POU2F2: variants seen among roughly 807,000 people sequenced by gnomAD.
POU2F2 encodes POU class 2 homeobox 2.
Under a neutral mutation model 63.5 loss-of-function variants are expected in POU2F2, and 14 were observed. That is an observed-to-expected ratio of 0.22 (90% CI 0.15 to 0.34). The LOEUF (loss-of-function observed/expected upper bound fraction) is 0.34. POU2F2 is among the 10% of genes least tolerant of loss of function. The pLI is 1.00. For synonymous variants in POU2F2, 306 were observed against 348.6 expected, an observed-to-expected ratio of 0.88 and a Z score of 1.36; for missense variants, 607 against 815.2, an observed-to-expected ratio of 0.74 and a Z score of 3.11.
intron 1 of POU2F2, among the ~76,000 whole-genome samples, chr19:42,184,611 C>T (rs2034995035): frequency 6.6e-6 from 1 of 152,208 alleles, no homozygotes; most frequent in African/African-American, 2.4e-5. Context: ...ACTCCCACTA[C>T]TGCCCCCCAA....
At chr19:42,151,082 G>T (rs572118078) in intron 2 of POU2F2, among the ~76,000 whole-genome samples, 1 of 152,186 alleles carries the variant, frequency 6.6e-6, no homozygotes, top group Non-Finnish European at 1.5e-5. Context: ...GCTCACTCCC[G>T]GAGCCATTTG....
At chr19:42,126,091 C>T (rs550694860) in intron 1 of POU2F2, among the ~76,000 whole-genome samples, 2 of 152,122 alleles carry the variant, frequency 1.3e-5, no homozygotes, top group Non-Finnish European at 2.9e-5. Context: ...TCTTTAAAGA[C>T]GTAATTAAGG....
chr19:42,129,031 C>T (rs1296503282), intron 1 of POU2F2, among the ~76,000 whole-genome samples: 1 of 152,034 alleles, frequency 6.6e-6, no homozygotes, highest in Non-Finnish European at 1.5e-5. Flanking sequence ...CGGGGTTTCA[C>T]CATGTTGGGC....
At chr19:42,149,005 T>C (rs1341054032) in intron 2 of POU2F2, among the ~76,000 whole-genome samples, 2 of 151,478 alleles carry the variant, frequency 1.3e-5, no homozygotes. Flanking sequence ...CAGCTTCACC[T>C]TCCCAAGCCA....
intron 2 of POU2F2, among the ~76,000 whole-genome samples, chr19:42,141,105 C>T (rs1478788514): frequency 6.6e-6 from 1 of 152,176 alleles, no homozygotes; most frequent in Non-Finnish European, 1.5e-5. Flanking sequence ...GTAGTATCCC[C>T]GGGCTTTAGC....
chr19:42,186,836 G>C (rs1475847889), intron 1 of POU2F2, among the ~76,000 whole-genome samples: 1 of 152,164 alleles, frequency 6.6e-6, no homozygotes, highest in Non-Finnish European at 1.5e-5. Flanking sequence ...TCACTTGGAT[G>C]CCCGGATGGA....
At chr19:42,174,123 C>T (rs750245270) in intron 1 of POU2F2, among the ~76,000 whole-genome samples, 32 of 152,150 alleles carry the variant, frequency 2.1e-4, no homozygotes, top group Non-Finnish European at 4.1e-4. Flanking sequence ...CATACGCCCG[C>T]GACCTCTGTG....
At chr19:42,114,050 A>G (rs1184247853) in intron 5 of POU2F2, among the ~76,000 whole-genome samples, 4 of 152,136 alleles carry the variant, frequency 2.6e-5, no homozygotes, top group Non-Finnish European at 5.9e-5. Context: ...GAAAGATCAG[A>G]GCTGAGGGAA....
rs1440615931 is a variant in POU2F2, at chr19:42,096,415, A to C, written c.568-172T>G. On this transcript the variant is annotated intron_variant, in intron 7 of 14. Coordinates refer to ENST00000692977, the MANE Select transcript of POU2F2 (RefSeq NM_001394376.1). The surrounding 1 kb of genome is among the most constrained non-coding windows in gnomAD (Gnocchi z 4.1). ...TCAATCCCTTTAAAGGTCCCTCCACATGCACTGTTAATCCCTTTAAAGGTC... is the reference window on the plus strand; with the variant it reads ...TCAATCCCTTTAAAGGTCCCTCCACCTGCACTGTTAATCCCTTTAAAGGTC... Among the ~76,000 whole-genome samples, 1 of 152,074 alleles carries C rather than the reference A, an allele frequency of 6.6e-6. No individual in the cohort carries two copies. Among genetic ancestry groups the C allele is most frequent in the Non-Finnish European group, 1.5e-5 (1 of 68,006 alleles).
chr19:42,144,106 G>A (rs374070060), intron 2 of POU2F2, among the ~76,000 whole-genome samples: 4 of 152,260 alleles, frequency 2.6e-5, no homozygotes, highest in South Asian at 2.1e-4. Context: ...GGTTCACAGC[G>A]TACTCCCATC....
chr19:42,119,459 G>C (rs1449875444), intron 4 of POU2F2, among the ~76,000 whole-genome samples: 1 of 152,196 alleles, frequency 6.6e-6, no homozygotes. Flanking sequence ...GATCACTTGA[G>C]GTCTGGAGTT....
At chr19:42,144,642 A>T (rs2034194718) in intron 2 of POU2F2, among the ~76,000 whole-genome samples, 1 of 152,268 alleles carries the variant, frequency 6.6e-6, no homozygotes, top group African/African-American at 2.4e-5. Flanking sequence ...CTAAGTAACA[A>T]GAGCAGCTAC....
intron 2 of POU2F2, among the ~76,000 whole-genome samples, chr19:42,145,387 G>A (rs1599661653): frequency 6.6e-6 from 1 of 152,262 alleles, no homozygotes; most frequent in Admixed American, 6.5e-5. Context: ...AGAACTGTGC[G>A]GACCCTGAGC....
At chr19:42,194,866 AAG>A (rs1464459094) in intron 1 of POU2F2, among the ~76,000 whole-genome samples, 12 of 130,452 alleles carry the variant, frequency 9.2e-5, no homozygotes, top group African/African-American at 3.6e-4. Context: ...GGAAGGTGGA[AAG>A]AAGGAAAAAA....
intron 5 of POU2F2, among the ~76,000 whole-genome samples, chr19:42,105,409 T>G (rs1055910358): frequency 6.6e-6 from 1 of 152,210 alleles, no homozygotes; most frequent in Non-Finnish European, 1.5e-5. Flanking sequence ...TTGAATCTAA[T>G]GAATAAGACT....
intron 1 of POU2F2, among the ~76,000 whole-genome samples, chr19:42,129,946 C>G (rs1184738314): frequency 6.6e-6 from 1 of 152,216 alleles, no homozygotes; most frequent in African/African-American, 2.4e-5. Flanking sequence ...ATACAAGAAA[C>G]AGATGTGCAC....
chr19:42,130,570 G>C (rs1056714277), intron 1 of POU2F2, among the ~76,000 whole-genome samples: 1 of 152,026 alleles, frequency 6.6e-6, no homozygotes. Context: ...TAACCCCAGA[G>C]AGGAACGAGT....
intron 5 of POU2F2, among the ~76,000 whole-genome samples, chr19:42,102,141 G>A (rs111295043): frequency 2.1e-4 from 32 of 152,276 alleles, no homozygotes; most frequent in Non-Finnish European, 4.0e-4. Context: ...TAGCCCAAGC[G>A]CGCACAACAG....
chr19:42,193,437 C>T (rs995618007), intron 1 of POU2F2, among the ~76,000 whole-genome samples: 1 of 152,102 alleles, frequency 6.6e-6, no homozygotes, highest in African/African-American at 2.4e-5. Context: ...TTGACACAGA[C>T]AGAAGAGGAG....
Sources: allele counts gnomAD v4.1 joint callset (sites outside exome capture counted in the v4.1 genomes callset), GRCh38; gene constraint gnomAD v4.1.1; non-coding constraint Gnocchi (gnomAD v3.1); transcripts MANE v1.5; gene names NCBI Gene and HGNC (gene_info 2026-07-23, HGNC 2026-07-21).